Variants in SERINC4 observed in about 807,000 individuals in gnomAD.
SERINC4 encodes serine incorporator 4.
In SERINC4, 52 loss-of-function variants were observed where a neutral mutation model predicts 52.0. The ratio of observed to expected loss-of-function variants is 1.00; its 90% CI spans 0.80 to 1.26. SERINC4 has a LOEUF of 1.26. SERINC4 is among the 50% of genes most tolerant of loss of function. The pLI is 0.00. For synonymous variants in SERINC4, 264 were observed against 247.7 expected, an observed-to-expected ratio of 1.07 and a Z score of -0.62; for missense variants, 723 against 632.8, an observed-to-expected ratio of 1.14 and a Z score of -1.53.
rs1468135273 is a variant in SERINC4, at chr15:43,794,674, T to C, written c.*326A>G. ...CCGAGTCTTCAGTCCCTGTTGGTCT[T>C]TCCCCACCCCCACTTCCAGCCCAAG... On this transcript the variant is annotated 3_prime_UTR_variant, in exon 12 of 12. Coordinates refer to ENST00000319327, the MANE Select transcript of SERINC4 (RefSeq NM_001258031.2). 7.3e-6 allele frequency: 2 copies of C among 272,632 alleles called. No homozygotes were observed. The highest frequency in any genetic ancestry group is 1.4e-5 in the Non-Finnish European group (2 of 142,532). The allele number at this position is 272,632 out of a possible 1,614,324, so 16.9% of individuals were successfully genotyped here.
At chr15:43,798,216 ATATTTT>A in intron 4 of SERINC4, 1 of 609,332 alleles carries the variant, frequency 1.6e-6, no homozygotes, top group Non-Finnish European at 2.9e-6. Context: ...TGCCCGGCTA[ATATTTT>A]GTATTTTTAG....
rs1468934235 is a variant in SERINC4, at chr15:43,800,211, G to C, written c.-225C>G. On this transcript the variant is annotated 5_prime_UTR_variant, in exon 1 of 12. Coordinates refer to ENST00000319327, the MANE Select transcript of SERINC4 (RefSeq NM_001258031.2). The stretch of plus-strand genomic sequence containing the variant: ...GGGCCTCAACACTGCGGCCACTCAG[G>C]CTGTTCTCTCCAGATTAGGGGGCAG... The C allele has an allele frequency of 6.8e-6, 4 of 589,018 alleles. No homozygotes were observed. The highest frequency in any genetic ancestry group is 2.1e-5 in the South Asian group (1 of 48,150). 36.5% of individuals were successfully genotyped at this position (589,018 alleles called of 1,614,324 possible).
intron 9 of SERINC4, 30 bp from the exon 10 acceptor site, chr15:43,795,766 G>A (rs1210847608): frequency 6.2e-7 from 1 of 1,608,236 alleles, no homozygotes; most frequent in Non-Finnish European, 8.5e-7. Flanking sequence ...TTTTGGAATG[G>A]TCTTAAAAGA....
chr15:43,794,228 A>C lies in SERINC4; in HGVS notation c.*772T>G, dbSNP rs182940932. ...AACCAAACAAGTACTCCGGATATGC[A>C]GTAGAGGAATCCTCTAAGAACCATA... is the stretch of plus-strand genomic sequence containing the variant. On this transcript the variant is annotated 3_prime_UTR_variant, in exon 12 of 12. Coordinates refer to ENST00000319327, the MANE Select transcript of SERINC4 (RefSeq NM_001258031.2). 239 of 465,700 alleles carry C rather than the reference A, an allele frequency of 5.1e-4. 1 individual carries two copies. Among genetic ancestry groups the C allele is most frequent in the South Asian group, 3.3e-3 (88 of 26,464 alleles). 28.8% of individuals were successfully genotyped at this position (465,700 alleles called of 1,614,324 possible).
In SERINC4 at chr15:43,795,479, C is replaced by T; in HGVS notation, c.1252G>A (p.Val418Ile). The change falls in exon 11 of 12, where the codon GTC (valine) becomes ATC (isoleucine). Residue 418 changes from valine (V) to isoleucine (I), a missense_variant. Physicochemically the swap from Val to Ile is conservative, Grantham distance 29 (BLOSUM62 3). Coordinates refer to ENST00000319327, the MANE Select transcript of SERINC4 (RefSeq NM_001258031.2). ...GAATAGTTGTAGGAAAGATGCTGGA[C>T]TTGGACTGGAGGAGCTGGAGGGGTT... ...QETPPAPPVQVQHLSYNYSAF... is the reference protein window; with the variant it reads ...QETPPAPPVQIQHLSYNYSAF... 6.2e-7 allele frequency: 1 copy of T among 1,614,198 alleles called. No individual in the cohort carries two copies. Among genetic ancestry groups the T allele is most frequent in the Non-Finnish European group, 8.5e-7 (1 of 1,180,038 alleles).
At position 43,797,900 on chromosome 15, in the gene SERINC4, T is replaced by C. The variant is rs774895856; in HGVS notation, c.632+20A>G. The C allele has an allele frequency of 1.9e-6, 3 of 1,581,554 alleles. No homozygotes were observed. The highest frequency in any genetic ancestry group is 1.3e-5 in the African/African-American group (1 of 74,378). On this transcript the variant is annotated intron_variant, in intron 5 of 11. Coordinates refer to ENST00000319327, the MANE Select transcript of SERINC4 (RefSeq NM_001258031.2). The stretch of plus-strand genomic sequence containing the variant: ...TAGAAACCTCCCCAGGAAAAGCCTT[T>C]AGGGTTATGTGCCCCTTACCAGTTC...
chr15:43,796,874 G>A lies in SERINC4; in HGVS notation c.911C>T (p.Ser304Phe), dbSNP rs755575489. 2 of 1,614,136 alleles carry A rather than the reference G, an allele frequency of 1.2e-6. No homozygotes were observed. The highest frequency in any genetic ancestry group is 4.5e-5 in the East Asian group (2 of 44,884). The stretch of plus-strand genomic sequence containing the variant: ...CTCTGGAGGACGGCTGGACAGTGCA[G>A]AGAAAGTCAGATACATGATATAGCA... Reference protein sequence around the residue: ...ISCYIMYLTFSALSSRPPERV... With the variant: ...ISCYIMYLTFFALSSRPPERV... Residue 304 changes from serine (S) to phenylalanine (F), a missense_variant, in exon 7 of 12, where the codon TCT becomes TTT. Coordinates refer to ENST00000319327, the MANE Select transcript of SERINC4 (RefSeq NM_001258031.2).
Position 43,795,138 on chromosome 15 carries a change from G to A in SERINC4, c.1419C>T (p.Cys473=). Residue 473 remains cysteine (C), a synonymous_variant, in exon 12 of 12, where the codon TGC becomes TGT. Transcript: ENST00000319327. ...CCAGATAGAGGAGTACGCAGGCCCA[G>A]CATGAGGCAACCTTGACCCAGAAGG... ...WATFWVKVAS[C]WACVLLYLGL... is the part of the protein sequence containing the mutation. 1 of 1,614,132 alleles carries A rather than the reference G, an allele frequency of 6.2e-7. No individual in the cohort carries two copies. Among genetic ancestry groups the A allele is most frequent in the Non-Finnish European group, 8.5e-7 (1 of 1,180,022 alleles).
Sources: allele counts gnomAD v4.1 joint callset, GRCh38; gene constraint gnomAD v4.1.1; transcripts MANE v1.5; gene names NCBI Gene and HGNC (gene_info 2026-07-23, HGNC 2026-07-21).